Variants in WDPCP observed in about 807,000 individuals in gnomAD.
WDPCP encodes the protein WD repeat-containing and planar cell polarity effector protein fritz homolog.
WDPCP carries 71 observed loss-of-function variants against 93.1 expected under a neutral mutation model. That is an observed-to-expected ratio of 0.76 (90% CI 0.63 to 0.93). The LOEUF is 0.93. Among genes scored for constraint, WDPCP ranks in the 40% least tolerant of loss-of-function variants. The pLI is 0.00. For missense variants in WDPCP, 844 were observed against 887.4 expected, an observed-to-expected ratio of 0.95 and a Z score of 0.62; for synonymous variants, 315 against 315.0, an observed-to-expected ratio of 1.00 and a Z score of 0.00.
At chr2:63,187,363 G>C (rs1172245561) in intron 14 of WDPCP, among the ~76,000 whole-genome samples, 1 of 152,070 alleles carries the variant, frequency 6.6e-6, no homozygotes, top group Non-Finnish European at 1.5e-5. Context: ...TCACTTTAAA[G>C]TAATTACCGA....
At chr2:63,299,979 G>A (rs1685199861) in intron 13 of WDPCP, among the ~76,000 whole-genome samples, 1 of 152,096 alleles carries the variant, frequency 6.6e-6, no homozygotes, top group Non-Finnish European at 1.5e-5. Flanking sequence ...GTGCTGTAAG[G>A]AGCAGATAAG....
intron 12 of WDPCP, among the ~76,000 whole-genome samples, chr2:63,366,511 T>C (rs1201722303): frequency 1.3e-5 from 1 of 78,230 alleles, no homozygotes; most frequent in South Asian, 5.3e-4. Flanking sequence ...TTAGCACTCA[T>C]TGTGCCCTTA....
chr2:63,250,933 G>T (rs1393914093), intron 14 of WDPCP, among the ~76,000 whole-genome samples: 1 of 152,096 alleles, frequency 6.6e-6, no homozygotes, highest in Non-Finnish European at 1.5e-5. Flanking sequence ...AATTTATGGA[G>T]CATTTCCACT....
chr2:63,515,750 T>C (rs1702509685), intron 1 of WDPCP, among the ~76,000 whole-genome samples: 1 of 152,234 alleles, frequency 6.6e-6, no homozygotes, highest in Non-Finnish European at 1.5e-5. Flanking sequence ...CTGGGCACAG[T>C]GGCTCACGCC....
rs577327421 is a variant in WDPCP, at chr2:63,350,942, ATT to A, written c.1748+27442_1748+27443del. ...TTTGAAACAATGAAAATTTCTAAATATTTGTCTCTAATTTTATTAAATATCAA... is the reference window on the plus strand; with the variant it reads ...TTTGAAACAATGAAAATTTCTAAATATGTCTCTAATTTTATTAAATATCAA... On this transcript the variant is annotated intron_variant, in intron 12 of 17. Coordinates refer to ENST00000272321, the MANE Select transcript of WDPCP (RefSeq NM_015910.7). 1.4e-3 allele frequency among the ~76,000 whole-genome samples: 212 copies of A among 150,944 alleles called. 4 individuals carry two copies. Among genetic ancestry groups the A allele is most frequent in the Admixed American group, 0.013 (194 of 15,078 alleles).
rs57447620 is a variant in WDPCP at position 63,793,908 on chromosome 2, GTA to G, written n.308+19712_308+19713del. On this transcript the variant is annotated intron_variant and non_coding_transcript_variant, in intron 2 of 4. Transcript: ENST00000467687. ...TGTGTGTGTGTGTGTGTGTGTGTGT[GTA>G]TCATATTGCCATTTTTAGAATGCAG... 1.3e-4 allele frequency among the ~76,000 whole-genome samples: 19 copies of G among 143,434 alleles called. No individual in the cohort carries two copies. In the East Asian group the frequency reaches 4.0e-3, roughly 30 times the overall value. 94.1% of individuals were successfully genotyped at this position (143,434 alleles called of 152,430 possible).
At chr2:63,789,726 T>C (rs1670519323) in intron 2 of WDPCP, among the ~76,000 whole-genome samples, 1 of 152,226 alleles carries the variant, frequency 6.6e-6, no homozygotes, top group Non-Finnish European at 1.5e-5. Context: ...ACTCTTTCTG[T>C]CTCCAAAGAG....
intron 2 of WDPCP, among the ~76,000 whole-genome samples, chr2:63,701,864 G>T (rs1453576393): frequency 2.0e-5 from 3 of 152,076 alleles, no homozygotes; most frequent in Non-Finnish European, 4.4e-5. Flanking sequence ...GGGGTGAGGG[G>T]GATGAAGAGA....
intron 10 of WDPCP, among the ~76,000 whole-genome samples, chr2:63,384,403 A>T (rs747692064): frequency 1.3e-5 from 2 of 152,148 alleles, no homozygotes; most frequent in Non-Finnish European, 2.9e-5. Flanking sequence ...TCCTTGAAAG[A>T]CCCAAACTAT....
intron 1 of WDPCP, among the ~76,000 whole-genome samples, chr2:63,498,417 T>C (rs1322828693): frequency 2.0e-5 from 3 of 152,172 alleles, no homozygotes; most frequent in African/African-American, 7.2e-5. Context: ...AGAAAGCCCC[T>C]TTTCACTTTA....
At chr2:63,350,510 T>G (rs1359710337) in intron 12 of WDPCP, among the ~76,000 whole-genome samples, 1 of 151,974 alleles carries the variant, frequency 6.6e-6, no homozygotes, top group Admixed American at 6.6e-5. Context: ...GCTTCTCTTT[T>G]GCATACACCC....
intron 1 of WDPCP, among the ~76,000 whole-genome samples, chr2:63,515,893 G>T (rs1214205400): frequency 2.0e-5 from 3 of 151,982 alleles, no homozygotes; most frequent in Non-Finnish European, 4.4e-5. Context: ...GGTGGTGCAC[G>T]TCTGTAATCC....
chr2:63,702,194 T>G (rs1384658736), intron 2 of WDPCP, among the ~76,000 whole-genome samples: 2 of 151,964 alleles, frequency 1.3e-5, no homozygotes, highest in African/African-American at 4.8e-5. Context: ...CCCGGCTAAT[T>G]TTTGTATTTT....
chr2:63,384,505 A>T (rs189658589), intron 10 of WDPCP, among the ~76,000 whole-genome samples: 35 of 152,270 alleles, frequency 2.3e-4, no homozygotes, highest in African/African-American at 7.5e-4. Context: ...ATACACACAC[A>T]CACACGTGCA....
At chr2:63,246,021 A>G (rs141771725) in intron 14 of WDPCP, among the ~76,000 whole-genome samples, 2 of 152,276 alleles carry the variant, frequency 1.3e-5, no homozygotes, top group Non-Finnish European at 2.9e-5. Flanking sequence ...ATCAGAAATA[A>G]AAATCTGACA....
upstream of WDPCP, chr2:63,588,913 C>G (rs572853588): frequency 3.2e-6 from 4 of 1,248,580 alleles, no homozygotes; most frequent in South Asian, 2.4e-5. Context: ...TCCCAGAGAG[C>G]GCCGCGTCGG....
chr2:63,593,283 G>T (rs1203107730), upstream of WDPCP: 7 of 207,762 alleles, frequency 3.4e-5, no homozygotes, highest in Non-Finnish European at 6.1e-5. Flanking sequence ...TAGTAGAGAC[G>T]GGGTTTCTCC....
Position 63,722,274 on chromosome 2 carries a change from A to C in WDPCP, n.309-71436T>G, listed in dbSNP as rs1669428773. ...TCTCCGCCCGGCCGCCATCCCACCT[A>C]GGAAGTGAGGAGCACCTCTGCCCGG... On this transcript the variant is annotated intron_variant and non_coding_transcript_variant, in intron 2 of 4. Transcript: ENST00000467687. 2.2e-5 allele frequency among the ~76,000 whole-genome samples: 3 copies of C among 133,474 alleles called. No individual in the cohort carries two copies. In the East Asian group the frequency reaches 6.8e-4, roughly 30 times the overall value. The allele number at this position is 133,474 out of a possible 152,430, so 87.6% of individuals were successfully genotyped here.
At chr2:63,159,835 A>T (rs1266565769) in intron 15 of WDPCP, among the ~76,000 whole-genome samples, 1 of 152,170 alleles carries the variant, frequency 6.6e-6, no homozygotes, top group East Asian at 1.9e-4. Flanking sequence ...GGTTAGAATC[A>T]GATCCACACA....
Sources: gnomAD v4.1 joint callset for allele counts (sites outside exome capture counted in the v4.1 genomes callset) on GRCh38, gnomAD v4.1.1 for gene constraint, MANE v1.5 for transcripts, NCBI Gene and HGNC (gene_info 2026-07-23, HGNC 2026-07-21) for gene names.